Variants in C1orf159 observed in about 807,000 individuals in gnomAD.
C1orf159 encodes the protein uncharacterized protein C1orf159.
A neutral mutation model predicts 25.6 loss-of-function variants in C1orf159; 19 were observed. That is an observed-to-expected ratio of 0.74 (90% CI 0.52 to 1.09). The LOEUF (loss-of-function observed/expected upper bound fraction) is 1.09. C1orf159 is among the 50% of genes least tolerant of loss of function. C1orf159 has a pLI of 0.00. For synonymous variants in C1orf159, 139 were observed against 124.7 expected (o/e 1.12, Z -0.77); for missense variants, 274 against 290.6 (o/e 0.94, Z 0.42).
intron 1 of C1orf159, among the ~76,000 whole-genome samples, chr1:1,102,087 AAAAAAAAAAC>A (rs1427383367): frequency 6.6e-6 from 1 of 150,916 alleles, no homozygotes; most frequent in African/African-American, 2.4e-5. Flanking sequence ...AAAAAAAAAA[AAAAAAAAAAC>A]AAACTTTTGA....
In C1orf159 at chr1:1,090,820, G is replaced by A. The variant is rs191823622; in HGVS notation, c.73-392C>T. 204 of 1,434,664 alleles carry A rather than the reference G, an allele frequency of 1.4e-4. 2 individuals carry two copies. Among genetic ancestry groups the A allele is most frequent in the South Asian group, 1.3e-3 (106 of 81,670 alleles). 88.9% of individuals were successfully genotyped at this position (1,434,664 alleles called of 1,614,324 possible). ...GGGCCTGGCTGGCATTTCAGGGGAC[G>A]AATTCACGCCCAGGTGCCCAGGTAC... On this transcript the variant is annotated intron_variant, in intron 3 of 9. Coordinates refer to ENST00000421241, the MANE Select transcript of C1orf159 (RefSeq NM_017891.5).
At chr1:1,103,130 A>T (rs1646125921) in intron 1 of C1orf159, among the ~76,000 whole-genome samples, 1 of 152,174 alleles carries the variant, frequency 6.6e-6, no homozygotes, top group Non-Finnish European at 1.5e-5. Context: ...GGCGTGAGCC[A>T]CCACGCCCAG....
Position 1,082,495 on chromosome 1 carries a change from C to A in C1orf159, c.*398G>T. On this transcript the variant is annotated 3_prime_UTR_variant, in exon 10 of 10. Transcript: ENST00000421241. ...TGTGGTGGTGCTGGAGGAGTCCTGC[C>A]CGCTGTGGGCTCTGGAGGGCACGGC... 3.8e-6 allele frequency: 1 copy of A among 263,474 alleles called. No homozygotes were observed. Among genetic ancestry groups the A allele is most frequent in the Non-Finnish European group, 7.4e-6 (1 of 134,352 alleles). 16.3% of individuals were successfully genotyped at this position (263,474 alleles called of 1,614,324 possible).
chr1:1,086,676 T>G (rs1351639626), intron 6 of C1orf159, among the ~76,000 whole-genome samples: 1 of 152,168 alleles, frequency 6.6e-6, no homozygotes, highest in Non-Finnish European at 1.5e-5. Context: ...ACACTGCCAC[T>G]CAGGTCAGCA....
intron 1 of C1orf159, among the ~76,000 whole-genome samples, chr1:1,109,635 T>C (rs1646230670): frequency 6.6e-6 from 1 of 151,970 alleles, no homozygotes; most frequent in South Asian, 2.1e-4. Flanking sequence ...TGGCTAATTT[T>C]ATTTTTATTT....
At chr1:1,102,925 G>A (rs548364402) in intron 1 of C1orf159, among the ~76,000 whole-genome samples, 3 of 151,974 alleles carry the variant, frequency 2.0e-5, no homozygotes, top group East Asian at 3.9e-4. Context: ...TGCCTCCTGG[G>A]CTCAAGTGAT....
Position 1,103,320 on chromosome 1 carries a change from A to G in C1orf159, c.-135-11217T>C, listed in dbSNP as rs568148332. ...ATTCCAACAGCTAGGTCATAACACAATTGATATCTGTTGTCTTTCCCTTCG... is the reference window on the plus strand; with the variant it reads ...ATTCCAACAGCTAGGTCATAACACAGTTGATATCTGTTGTCTTTCCCTTCG... On this transcript the variant is annotated intron_variant, in intron 1 of 9. Transcript: ENST00000421241. Among the ~76,000 whole-genome samples, 128 of 152,344 alleles carry G rather than the reference A, an allele frequency of 8.4e-4. 2 individuals carry two copies. The Middle Eastern group carries it at 0.014, about 16-fold the overall frequency.
chr1:1,090,877 G>A (rs747899103), intron 3 of C1orf159: 3 of 1,549,364 alleles, frequency 1.9e-6, no homozygotes, highest in South Asian at 1.2e-5. Context: ...GGCACTTACG[G>A]TGTGTGTGAG....
At chr1:1,108,066 A>G (rs1015165972) in intron 1 of C1orf159, among the ~76,000 whole-genome samples, 32 of 152,092 alleles carry the variant, frequency 2.1e-4, no homozygotes, top group African/African-American at 5.8e-4. Flanking sequence ...CATTCACCAC[A>G]GCCACCATGT....
At chr1:1,099,544 A>G in intron 1 of C1orf159, among the ~76,000 whole-genome samples, 1 of 149,404 alleles carries the variant, frequency 6.7e-6, no homozygotes, top group East Asian at 2.0e-4. Context: ...TATTGTTCTA[A>G]GAAATGGAGA....
chr1:1,091,740 T>C (rs1570313514), intron 2 of C1orf159, 175 bp from the exon 3 acceptor site: 3 of 89,708 alleles, frequency 3.3e-5, no homozygotes, highest in South Asian at 2.2e-4. Context: ...CAAATGGAAG[T>C]GGGCGGGGCT....
intron 1 of C1orf159, among the ~76,000 whole-genome samples, chr1:1,108,470 A>G (rs540938079): frequency 2.9e-4 from 37 of 129,656 alleles, no homozygotes; most frequent in African/African-American, 1.1e-3. Flanking sequence ...CACAGCCACC[A>G]TGTCTCAGCA....
intron 6 of C1orf159, 28 bp from the exon 7 acceptor site, chr1:1,086,040 G>A: frequency 1.2e-6 from 2 of 1,610,228 alleles, no homozygotes; most frequent in Admixed American, 1.7e-5. Context: ...TGAGCAGACG[G>A]GCAGGACGGT....
intron 1 of C1orf159, among the ~76,000 whole-genome samples, chr1:1,099,471 TTG>T (rs1325216113): frequency 2.9e-5 from 4 of 138,940 alleles, no homozygotes; most frequent in Non-Finnish European, 4.6e-5. Context: ...GTTCTAAGAA[TTG>T]CAGAGAGAGA....
chr1:1,090,755 C>T (rs1050982995), intron 3 of C1orf159: 4 of 889,078 alleles, frequency 4.5e-6, no homozygotes, highest in Non-Finnish European at 7.3e-6. Flanking sequence ...CGGAGGCTCT[C>T]CATCAGGGGT....
chr1:1,112,091 C>G (rs1275126578), intron 1 of C1orf159, among the ~76,000 whole-genome samples: 1 of 152,204 alleles, frequency 6.6e-6, no homozygotes, highest in East Asian at 1.9e-4. Flanking sequence ...GCCCATCCCC[C>G]CACCGGGAAT....
At chr1:1,083,079 G>A (rs1014992817) in intron 9 of C1orf159, 92 bp from the exon 10 acceptor site, 23 of 1,102,910 alleles carry the variant, frequency 2.1e-5, no homozygotes, top group Middle Eastern at 4.2e-4. Flanking sequence ...TCTCGGGAGT[G>A]GGCATATGGC....
At chr1:1,084,944 C>T (rs776261309) in intron 7 of C1orf159, among the ~76,000 whole-genome samples, 8 of 152,154 alleles carry the variant, frequency 5.3e-5, no homozygotes, top group East Asian at 1.9e-4. Flanking sequence ...ATGGTGCCCC[C>T]GCGATGGGGG....
intron 3 of C1orf159, chr1:1,090,950 G>A (rs1343921367): frequency 1.3e-6 from 2 of 1,550,288 alleles, no homozygotes; most frequent in Admixed American, 2.0e-5. Context: ...CCCTCAGCTT[G>A]TGTGTTGATC....
Sources: gnomAD v4.1 joint callset for allele counts (sites outside exome capture counted in the v4.1 genomes callset) on GRCh38, gnomAD v4.1.1 for gene constraint, MANE v1.5 for transcripts, NCBI Gene and HGNC (gene_info 2026-07-23, HGNC 2026-07-21) for gene names.